Variants in BABAM2 observed in about 807,000 individuals in gnomAD.
BABAM2 encodes BRISC and BRCA1-A complex member 2.
BABAM2 carries 31 observed loss-of-function variants against 54.7 expected under a neutral mutation model. The observed-to-expected ratio is 0.57, with a 90% CI of 0.43 to 0.77. The LOEUF (loss-of-function observed/expected upper bound fraction) is 0.77. Ranked by LOEUF, BABAM2 falls within the 30% of genes least tolerant of loss-of-function variation. BABAM2 has a pLI of 0.00. For missense variants in BABAM2, 364 were observed against 455.8 expected (o/e 0.80, Z 1.83); for synonymous variants, 167 against 162.9 (o/e 1.03, Z -0.19).
At chr2:28,026,935 T>TAA (rs1675859117) in intron 5 of BABAM2, among the ~76,000 whole-genome samples, 6 of 14,766 alleles carry the variant, frequency 4.1e-4, no homozygotes, top group South Asian at 0.016. Context: ...TAAATATATA[T>TAA]ATAAATATAT....
At chr2:27,946,830 T>G (rs1314343197) in intron 3 of BABAM2, among the ~76,000 whole-genome samples, 2 of 152,214 alleles carry the variant, frequency 1.3e-5, no homozygotes, top group Non-Finnish European at 2.9e-5. Flanking sequence ...TACAGCCTTG[T>G]CTTTTAAGGA....
intron 3 of BABAM2, among the ~76,000 whole-genome samples, chr2:27,961,713 C>T (rs1445553552): frequency 1.4e-5 from 2 of 146,036 alleles, no homozygotes; most frequent in African/African-American, 5.1e-5. Context: ...CTCTAATTCC[C>T]TTAATTATCT....
At chr2:28,183,858 T>C (rs1675939905) in intron 7 of BABAM2, among the ~76,000 whole-genome samples, 1 of 152,102 alleles carries the variant, frequency 6.6e-6, no homozygotes, top group Non-Finnish European at 1.5e-5. Flanking sequence ...ATGTCCTGTT[T>C]ATGTTTGTGT....
intron 11 of BABAM2, among the ~76,000 whole-genome samples, chr2:28,331,626 C>T (rs1469323063): frequency 6.6e-6 from 1 of 152,208 alleles, no homozygotes; most frequent in Admixed American, 6.5e-5. Context: ...GATACCATCT[C>T]ATGCCAATCA....
chr2:28,265,770 ACT>A (rs1399051616), intron 10 of BABAM2, among the ~76,000 whole-genome samples: 2 of 151,900 alleles, frequency 1.3e-5, no homozygotes, highest in Non-Finnish European at 2.9e-5. Flanking sequence ...AAACATAGGG[ACT>A]CTCTCTAAGA....
intron 7 of BABAM2, among the ~76,000 whole-genome samples, chr2:28,183,947 G>T (rs922325526): frequency 1.3e-5 from 2 of 152,000 alleles, no homozygotes; most frequent in African/African-American, 4.8e-5. Context: ...GTTGTTATTT[G>T]CTCATAGAGA....
chr2:27,953,295 C>T (rs1158376321), intron 3 of BABAM2, among the ~76,000 whole-genome samples: 2 of 152,118 alleles, frequency 1.3e-5, no homozygotes, highest in Non-Finnish European at 2.9e-5. Flanking sequence ...GATCCTCCTA[C>T]CCCAGGCTCC....
chr2:28,115,346 G>T (rs546929702), intron 6 of BABAM2, among the ~76,000 whole-genome samples: 1 of 152,208 alleles, frequency 6.6e-6, no homozygotes, highest in South Asian at 2.1e-4. Flanking sequence ...CTTCTAAATT[G>T]AACTTAAAAG....
chr2:28,085,418 T>C (rs1264971912), intron 6 of BABAM2, among the ~76,000 whole-genome samples: 1 of 152,210 alleles, frequency 6.6e-6, no homozygotes, highest in Non-Finnish European at 1.5e-5. Context: ...GCACTGAATT[T>C]CAAAACCTCA....
intron 6 of BABAM2, among the ~76,000 whole-genome samples, chr2:28,051,916 C>T (rs1000852330): frequency 2.0e-5 from 3 of 152,056 alleles, no homozygotes; most frequent in Admixed American, 1.3e-4. Flanking sequence ...TCCCAAGGTT[C>T]TGGGATTACA....
At chr2:28,057,355 T>C (rs1678510855) in intron 6 of BABAM2, among the ~76,000 whole-genome samples, 1 of 152,188 alleles carries the variant, frequency 6.6e-6, no homozygotes, top group South Asian at 2.1e-4. Context: ...CATATCAGCT[T>C]TTTGGATTTG....
At chr2:28,195,479 T>C (rs944147660) in intron 7 of BABAM2, among the ~76,000 whole-genome samples, 2 of 152,194 alleles carry the variant, frequency 1.3e-5, no homozygotes, top group Admixed American at 6.5e-5. Context: ...GACATGAGAA[T>C]TCTAAAGTTT....
In BABAM2 at chr2:28,234,469, A is replaced by C. The variant is rs547064468; in HGVS notation, c.681-2733A>C. Among the ~76,000 whole-genome samples the C allele has an allele frequency of 5.3e-5, 8 of 152,254 alleles. No homozygotes were observed. In the East Asian group the frequency reaches 1.5e-3, roughly 29 times the overall value. Reference sequence around the variant, plus strand: ...GAGAGAGGGAGAGGGTTTCAAGTTTAAAGGATTACTCAGACTGTTTTCCTT... The same window carrying C: ...GAGAGAGGGAGAGGGTTTCAAGTTTCAAGGATTACTCAGACTGTTTTCCTT... On this transcript the variant is annotated intron_variant, in intron 7 of 11. Transcript: ENST00000379624.
intron 7 of BABAM2, among the ~76,000 whole-genome samples, chr2:28,190,643 C>T (rs112470818): frequency 2.6e-5 from 4 of 152,182 alleles, no homozygotes; most frequent in East Asian, 1.9e-4. Context: ...GCCGAGATGG[C>T]GCCATTGCAC....
intron 4 of BABAM2, among the ~76,000 whole-genome samples, chr2:28,002,174 C>G (rs528542338): frequency 9.9e-5 from 15 of 152,206 alleles, no homozygotes; most frequent in African/African-American, 3.4e-4. Flanking sequence ...GGGCTTTGCT[C>G]TGCCTTCTGC....
At chr2:28,310,721 T>TA (rs1482155803) in intron 11 of BABAM2, among the ~76,000 whole-genome samples, 2 of 151,134 alleles carry the variant, frequency 1.3e-5, no homozygotes, top group East Asian at 3.9e-4. Context: ...CTGTCTCTAC[T>TA]AAAAATACAA....
chr2:27,971,759 A>G (rs189659578), intron 3 of BABAM2, among the ~76,000 whole-genome samples: 111 of 151,896 alleles, frequency 7.3e-4, no homozygotes, highest in Non-Finnish European at 1.5e-3. Flanking sequence ...TTAAAATTAT[A>G]TTTAATTCTG....
chr2:28,237,158 C>T, intron 7 of BABAM2, 44 bp from the exon 8 acceptor site: 10 of 1,552,024 alleles, frequency 6.4e-6, no homozygotes, highest in Non-Finnish European at 7.1e-6. Context: ...TCTTAAGTTG[C>T]TTGAGCCCTA....
chr2:28,210,413 T>C (rs1679339296), intron 7 of BABAM2, among the ~76,000 whole-genome samples: 1 of 152,000 alleles, frequency 6.6e-6, no homozygotes, highest in African/African-American at 2.4e-5. Context: ...TAGAAGAGAG[T>C]GCTTGTAACT....
Sources: gnomAD v4.1 joint callset for allele counts (sites outside exome capture counted in the v4.1 genomes callset) on GRCh38, gnomAD v4.1.1 for gene constraint, MANE v1.5 for transcripts, NCBI Gene and HGNC (gene_info 2026-07-23, HGNC 2026-07-21) for gene names.